The following STAT4 variants were observed in gnomAD, a reference collection of about 807,000 sequenced individuals.
STAT4 encodes the protein signal transducer and activator of transcription 4.
Under a neutral mutation model 110.5 loss-of-function variants are expected in STAT4, and 42 were observed. The observed-to-expected ratio is 0.38, with a 90% confidence interval of 0.30 to 0.49. STAT4 has a LOEUF of 0.49. STAT4 is among the 20% of genes least tolerant of loss of function. STAT4 has a pLI of 0.95. For missense variants in STAT4, 632 were observed against 887.9 expected (o/e 0.71, Z 3.66); for synonymous variants, 284 against 302.2 (o/e 0.94, Z 0.63).
rs1698391908 is a variant in STAT4 at position 191,110,359 on chromosome 2, A to G, written c.274-34034T>C. On this transcript the variant is annotated intron_variant, in intron 3 of 23. Transcript: ENST00000392320. The surrounding 1 kb of genome is among the most constrained non-coding windows in gnomAD (Gnocchi z 4.5). ...CAAAATAAGGGACATGGGAGGAGCTAGCACTGGGGAATAACATTTGTAAAT... is the reference window on the plus strand; with the variant it reads ...CAAAATAAGGGACATGGGAGGAGCTGGCACTGGGGAATAACATTTGTAAAT... 1.3e-5 allele frequency among the ~76,000 whole-genome samples: 2 copies of G among 152,196 alleles called. No individual in the cohort carries two copies. Among genetic ancestry groups the G allele is most frequent in the Admixed American group, 6.5e-5 (1 of 15,280 alleles).
Position 191,143,187 on chromosome 2 carries a change from G to A in STAT4, c.273+3426C>T, listed in dbSNP as rs370792511. On this transcript the variant is annotated intron_variant, in intron 3 of 23. Coordinates refer to ENST00000392320, the MANE Select transcript of STAT4 (RefSeq NM_003151.4). The surrounding 1 kb of genome is among the most constrained non-coding windows in gnomAD (Gnocchi z 5.6). ...TTTAAGGTCCATTAATTTTCTTAAAGCAAAGCATTCTTGAATTATCTGGGG... is the reference window on the plus strand; with the variant it reads ...TTTAAGGTCCATTAATTTTCTTAAAACAAAGCATTCTTGAATTATCTGGGG... Among the ~76,000 whole-genome samples, 44 of 152,092 alleles carry A rather than the reference G, an allele frequency of 2.9e-4. No homozygotes were observed. The highest frequency in any genetic ancestry group is 9.9e-4 in the African/African-American group (41 of 41,414).
intron 18 of STAT4, among the ~76,000 whole-genome samples, chr2:191,034,279 C>T (rs1049670253): frequency 4.5e-4 from 69 of 151,918 alleles, no homozygotes; most frequent in Admixed American, 1.5e-3. Flanking sequence ...AAAAATTAGC[C>T]GGGCGTGGTG....
At chr2:191,141,116 G>T (rs1699310515) in intron 3 of STAT4, among the ~76,000 whole-genome samples, 1 of 151,934 alleles carries the variant, frequency 6.6e-6, no homozygotes, top group Non-Finnish European at 1.5e-5. Context: ...AGGGATAAAA[G>T]ACTACATATT....
intron 14 of STAT4, among the ~76,000 whole-genome samples, chr2:191,052,911 G>A (rs917938390): frequency 6.6e-6 from 1 of 152,166 alleles, no homozygotes; most frequent in Non-Finnish European, 1.5e-5. Flanking sequence ...CTGCTCCTGT[G>A]ATTTCTTTGA....
chr2:191,073,428 TATA>T (rs1216448593), intron 4 of STAT4, among the ~76,000 whole-genome samples: 3 of 152,248 alleles, frequency 2.0e-5, no homozygotes, highest in Non-Finnish European at 4.4e-5. Context: ...GGCTCACGCC[TATA>T]ATCCTAGCAC....
rs1698099619 is a variant in STAT4 at position 191,099,549 on chromosome 2, G to T, written c.274-23224C>A. Among the ~76,000 whole-genome samples, 2 of 152,164 alleles carry T rather than the reference G, an allele frequency of 1.3e-5. No homozygotes were observed. Among genetic ancestry groups the T allele is most frequent in the South Asian group, 2.1e-4 (1 of 4,830 alleles). Reference sequence around the variant, plus strand: ...TGTTACGTAAAATTTGGAAAGCAGAGATATGAATAATAAAATTTCATTTTT... The same window carrying T: ...TGTTACGTAAAATTTGGAAAGCAGATATATGAATAATAAAATTTCATTTTT... On this transcript the variant is annotated intron_variant, in intron 3 of 23. Transcript: ENST00000392320. The surrounding 1 kb of genome is among the most constrained non-coding windows in gnomAD (Gnocchi z 4.1).
intron 8 of STAT4, 146 bp from the exon 9 acceptor site, chr2:191,063,066 G>C: frequency 1.4e-6 from 1 of 717,112 alleles, no homozygotes; most frequent in Non-Finnish European, 2.0e-6. Flanking sequence ...ATTTAGGTTA[G>C]AGACAGTTTT....
At chr2:191,151,511 G>A (rs2125473061), upstream of STAT4, 1 of 985,564 alleles carries the variant, frequency 1.0e-6, no homozygotes, top group Non-Finnish European at 1.2e-6. The surrounding 1 kb of genome is among the most constrained non-coding windows in gnomAD (Gnocchi z 4.7). Context: ...CTGACCCAGA[G>A]GGTTGGGCCA....
rs1019988808 is a variant in STAT4 at position 191,030,865 on chromosome 2, T to C, written c.2220+107A>G. The C allele has an allele frequency of 6.2e-6, 6 of 970,760 alleles. No individual in the cohort carries two copies. The highest frequency in any genetic ancestry group is 9.7e-6 in the Non-Finnish European group (6 of 619,234). 60.1% of individuals were successfully genotyped at this position (970,760 alleles called of 1,614,324 possible). Reference sequence around the variant, plus strand: ...ATGCTCATGAATTTGTTCCAATAAATGTGTTTTCTCCCTACCCAGGCAGTA... The same window carrying C: ...ATGCTCATGAATTTGTTCCAATAAACGTGTTTTCTCCCTACCCAGGCAGTA... On this transcript the variant is annotated intron_variant, in intron 23 of 23. Transcript: ENST00000392320. This position sits in a 1 kb window ranked among gnomAD's most constrained non-coding sequence, Gnocchi z 4.4.
Position 191,037,590 on chromosome 2 carries a change from G to A in STAT4, c.1435-1291C>T, listed in dbSNP as rs1696078920. Among the ~76,000 whole-genome samples the A allele has an allele frequency of 6.6e-6, 1 of 152,202 alleles. No individual in the cohort carries two copies. The highest frequency in any genetic ancestry group is 1.5e-5 in the Non-Finnish European group (1 of 68,034). ...AAACTCAAGAAACATGTTTCAAGAAGAGGAAAGGAAGAATTCAGAAATCCA... is the reference window on the plus strand; with the variant it reads ...AAACTCAAGAAACATGTTTCAAGAAAAGGAAAGGAAGAATTCAGAAATCCA... On this transcript the variant is annotated intron_variant, in intron 16 of 23. Transcript: ENST00000392320. The surrounding 1 kb of genome is among the most constrained non-coding windows in gnomAD (Gnocchi z 4.8).
At chr2:191,045,244 C>T (rs528793054) in intron 14 of STAT4, among the ~76,000 whole-genome samples, 8 of 152,118 alleles carry the variant, frequency 5.3e-5, no homozygotes, top group Admixed American at 5.2e-4. Flanking sequence ...GCAGTTAGTC[C>T]CTGATGAAAT....
chr2:191,094,962 T>G (rs1338462673), intron 3 of STAT4, among the ~76,000 whole-genome samples: 1 of 148,526 alleles, frequency 6.7e-6, no homozygotes, highest in Non-Finnish European at 1.5e-5. Context: ...TCCTAGTCTC[T>G]GCTAAAACAG....
intron 3 of STAT4, among the ~76,000 whole-genome samples, chr2:191,095,181 C>T (rs1242088924): frequency 1.3e-5 from 2 of 151,986 alleles, no homozygotes; most frequent in African/African-American, 4.8e-5. Context: ...ACTTTAACAC[C>T]CCACTGTCAA....
At chr2:191,064,067 A>T (rs1293112807) in intron 8 of STAT4, among the ~76,000 whole-genome samples, 1 of 152,234 alleles carries the variant, frequency 6.6e-6, no homozygotes, top group African/African-American at 2.4e-5. Flanking sequence ...AATGCAAAGG[A>T]TAGTATCTAC....
At chr2:191,087,085 T>C (rs140604280) in intron 3 of STAT4, among the ~76,000 whole-genome samples, 342 of 152,290 alleles carry the variant, frequency 2.2e-3, no homozygotes, top group African/African-American at 7.6e-3. Context: ...GTCTACCTAA[T>C]ATAGAAGCCT....
At chr2:191,120,483 A>C (rs2125388165) in intron 3 of STAT4, among the ~76,000 whole-genome samples, 1 of 152,286 alleles carries the variant, frequency 6.6e-6, no homozygotes, top group East Asian at 1.9e-4. Context: ...GAGCCACTGC[A>C]CTCTAGCATG....
intron 8 of STAT4, 117 bp downstream of exon 8, chr2:191,064,690 C>T: frequency 1.6e-6 from 2 of 1,239,530 alleles, no homozygotes; most frequent in Non-Finnish European, 2.2e-6. Context: ...GCTAATAAGC[C>T]ATCAATAAAC....
chr2:191,096,366 C>T (rs1220239497), intron 3 of STAT4, among the ~76,000 whole-genome samples: 1 of 152,130 alleles, frequency 6.6e-6, no homozygotes, highest in Non-Finnish European at 1.5e-5. Context: ...TGCGAAAATC[C>T]TCAATAAACT....
chr2:191,064,085 T>A lies in STAT4; in HGVS notation c.782+722A>T, dbSNP rs371695858. Reference sequence around the variant, plus strand: ...GCAAAGGATAGTATCTACATTTCATTGCATGTGTGCATACATAGATCGGGA... The same window carrying A: ...GCAAAGGATAGTATCTACATTTCATAGCATGTGTGCATACATAGATCGGGA... On this transcript the variant is annotated intron_variant, in intron 8 of 23. Coordinates refer to ENST00000392320, the MANE Select transcript of STAT4 (RefSeq NM_003151.4). Among the ~76,000 whole-genome samples, 20 of 152,390 alleles carry A rather than the reference T, an allele frequency of 1.3e-4. 1 individual carries two copies. The East Asian group carries it at 1.3e-3, about 10-fold the overall frequency.
Sources: allele counts gnomAD v4.1 joint callset (sites outside exome capture counted in the v4.1 genomes callset), GRCh38; gene constraint gnomAD v4.1.1; non-coding constraint Gnocchi (gnomAD v3.1); transcripts MANE v1.5; gene names NCBI Gene and HGNC (gene_info 2026-07-23, HGNC 2026-07-21).